Variants in RBM33 observed in about 807,000 individuals in gnomAD.
RBM33 encodes RNA binding motif protein 33.
Under a neutral mutation model 132.6 loss-of-function variants are expected in RBM33, and 28 were observed. The observed-to-expected ratio is 0.21, with a 90% confidence interval of 0.16 to 0.29. RBM33 has a LOEUF of 0.29. RBM33 is among the 10% of genes least tolerant of loss of function. The pLI, the probability that RBM33 is intolerant of heterozygous loss-of-function variation, is 1.00. For missense variants in RBM33, 1,291 were observed against 1,518.5 expected, an observed-to-expected ratio of 0.85 and a Z score of 2.49; for synonymous variants, 634 against 593.0, an observed-to-expected ratio of 1.07 and a Z score of -1.01.
intron 9 of RBM33, among the ~76,000 whole-genome samples, chr7:155,734,930 G>C (rs894013007): frequency 1.2e-4 from 19 of 152,066 alleles, no homozygotes; most frequent in African/African-American, 4.6e-4. Context: ...AACCTTGATT[G>C]CTAATTTATT....
chr7:155,757,537 C>G (rs1801890727), intron 14 of RBM33, among the ~76,000 whole-genome samples: 1 of 152,022 alleles, frequency 6.6e-6, no homozygotes. Context: ...AAAATAGTTT[C>G]AAAATATGTT....
chr7:155,752,760 G>A (rs1801725333), intron 14 of RBM33, among the ~76,000 whole-genome samples: 1 of 152,160 alleles, frequency 6.6e-6, no homozygotes, highest in Admixed American at 6.5e-5. Flanking sequence ...TTCTCTGGAG[G>A]TGCCATGTTT....
intron 1 of RBM33, among the ~76,000 whole-genome samples, chr7:155,661,433 A>T (rs183164979): frequency 9.6e-4 from 131 of 136,740 alleles, no homozygotes; most frequent in African/African-American, 3.5e-3. Flanking sequence ...TCCCAGACAG[A>T]GTCTTGCTCT....
At chr7:155,674,791 A>C (rs1237802873) in intron 3 of RBM33, among the ~76,000 whole-genome samples, 1 of 152,190 alleles carries the variant, frequency 6.6e-6, no homozygotes, top group East Asian at 1.9e-4. Flanking sequence ...GAGGGGCTGT[A>C]TCTGCTTTGG....
intron 14 of RBM33, among the ~76,000 whole-genome samples, chr7:155,760,150 G>T (rs1350006793): frequency 2.6e-5 from 4 of 152,182 alleles, no homozygotes; most frequent in Non-Finnish European, 5.9e-5. Flanking sequence ...CCTTCTGTGT[G>T]CATGAGACAT....
intron 9 of RBM33, among the ~76,000 whole-genome samples, chr7:155,728,693 A>G (rs1030785159): frequency 3.9e-5 from 6 of 152,188 alleles, no homozygotes; most frequent in Non-Finnish European, 2.9e-5. Flanking sequence ...ACTCTGAAAC[A>G]CACGTAGACT....
At chr7:155,738,482 A>G (rs777150978) in intron 11 of RBM33, 79 bp downstream of exon 11, 5 of 1,313,928 alleles carry the variant, frequency 3.8e-6, no homozygotes, top group Non-Finnish European at 5.2e-6. Context: ...TCAGATTTTT[A>G]TTTGAGCCTA....
At chr7:155,699,592 G>C (rs1028458409) in intron 5 of RBM33, among the ~76,000 whole-genome samples, 1 of 152,206 alleles carries the variant, frequency 6.6e-6, no homozygotes, top group Non-Finnish European at 1.5e-5. Context: ...CTGGACGTCA[G>C]CATACTGAGT....
chr7:155,664,427 A>AT (rs113000614), intron 1 of RBM33, among the ~76,000 whole-genome samples: 2,576 of 141,968 alleles, frequency 0.018, 65 homozygotes, highest in African/African-American at 0.058. Context: ...TGCCTGGCTG[A>AT]TTTTTTTTTT....
intron 5 of RBM33, among the ~76,000 whole-genome samples, chr7:155,696,799 C>A (rs534992233): frequency 6.6e-6 from 1 of 152,320 alleles, no homozygotes; most frequent in East Asian, 1.9e-4. Flanking sequence ...CCATCGTTGT[C>A]TCTCCATTCC....
chr7:155,719,780 A>C (rs1489728208), intron 9 of RBM33, among the ~76,000 whole-genome samples: 1 of 152,188 alleles, frequency 6.6e-6, no homozygotes, highest in Non-Finnish European at 1.5e-5. Flanking sequence ...ATCTGTGTTA[A>C]AATCATTTTT....
intron 5 of RBM33, among the ~76,000 whole-genome samples, chr7:155,695,726 G>T (rs1355763029): frequency 6.6e-6 from 1 of 152,222 alleles, no homozygotes; most frequent in African/African-American, 2.4e-5. Flanking sequence ...CTCCCAAAGT[G>T]CCGGGATTAT....
intron 2 of RBM33, among the ~76,000 whole-genome samples, chr7:155,667,429 C>T (rs1438617008): frequency 2.0e-5 from 3 of 152,086 alleles, no homozygotes; most frequent in African/African-American, 7.2e-5. Flanking sequence ...TTTTATTCTA[C>T]AGTGGTTATT....
chr7:155,660,689 C>A (rs1231711771), intron 1 of RBM33, among the ~76,000 whole-genome samples: 1 of 152,144 alleles, frequency 6.6e-6, no homozygotes, highest in Non-Finnish European at 1.5e-5. Flanking sequence ...GGCTTCGAAA[C>A]ATTTTGACTA....
At chr7:155,693,305 T>A (rs183828447) in intron 5 of RBM33, among the ~76,000 whole-genome samples, 48 of 151,308 alleles carry the variant, frequency 3.2e-4, no homozygotes, top group African/African-American at 1.1e-3. Context: ...AGAAGTTGCA[T>A]CTGTTTCACT....
Position 155,745,193 on chromosome 7 carries a change from C to A in RBM33, c.2570C>A (p.Pro857Gln). Reference sequence around the variant, plus strand: ...TCACCATCACCCACCAACGGTAACCCACTGTTGCCCTTTCCAGGTGCACAG... The same window carrying A: ...TCACCATCACCCACCAACGGTAACCAACTGTTGCCCTTTCCAGGTGCACAG... ...ALSPSPTNGN[P>Q]LLPFPGAQVR... Residue 857 changes from proline to glutamine, a missense_variant, in exon 14 of 18, where the codon CCA becomes CAA. This residue lies in a region of RBM33 where 841 missense variants were observed against 912.0 expected (regional missense o/e 0.92). Coordinates refer to ENST00000401878, the MANE Select transcript of RBM33 (RefSeq NM_053043.3). This position sits in a 1 kb window ranked among gnomAD's most constrained non-coding sequence, Gnocchi z 4.1. 6.2e-7 allele frequency: 1 copy of A among 1,611,456 alleles called. No homozygotes were observed. Among genetic ancestry groups the A allele is most frequent in the Non-Finnish European group, 8.5e-7 (1 of 1,178,736 alleles).
At chr7:155,647,904 A>G (rs1798246584) in intron 1 of RBM33, among the ~76,000 whole-genome samples, 1 of 152,208 alleles carries the variant, frequency 6.6e-6, no homozygotes, top group Non-Finnish European at 1.5e-5. Flanking sequence ...GAGTTTCAAG[A>G]TCTTCTAGTT....
intron 15 of RBM33, among the ~76,000 whole-genome samples, chr7:155,764,788 G>A (rs556017180): frequency 7.8e-4 from 119 of 152,366 alleles, no homozygotes; most frequent in African/African-American, 2.7e-3. Context: ...AGAACGGCAA[G>A]TCTGCCCGCT....
At chr7:155,655,368 C>G (rs371876664) in intron 1 of RBM33, among the ~76,000 whole-genome samples, 4 of 151,688 alleles carry the variant, frequency 2.6e-5, no homozygotes, top group South Asian at 4.2e-4. Flanking sequence ...TGGTTTATTT[C>G]TACTTTTTCC....
Sources: gnomAD v4.1 joint callset for allele counts (sites outside exome capture counted in the v4.1 genomes callset) on GRCh38, gnomAD v4.1.1 for gene constraint, gnomAD v4.1.1 regional missense constraint, Gnocchi (gnomAD v3.1) non-coding constraint, MANE v1.5 for transcripts, NCBI Gene and HGNC (gene_info 2026-07-23, HGNC 2026-07-21) for gene names.